Variants in FHIT observed in about 807,000 individuals in gnomAD.
FHIT encodes bis(5'-adenosyl)-triphosphatase.
In FHIT, 19 loss-of-function variants were observed where a neutral mutation model predicts 17.9. That is an observed-to-expected ratio of 1.06 (90% CI 0.74 to 1.56). FHIT has a LOEUF of 1.56. Among genes scored for constraint, FHIT ranks in the 40% most tolerant of loss-of-function variants. FHIT has a pLI of 0.00. For synonymous variants in FHIT, 81 were observed against 69.7 expected, an observed-to-expected ratio of 1.16 and a Z score of -0.81; for missense variants, 248 against 189.2, an observed-to-expected ratio of 1.31 and a Z score of -1.82.
chr3:60,313,386 G>A (rs1015953332), intron 5 of FHIT, among the ~76,000 whole-genome samples: 2 of 152,146 alleles, frequency 1.3e-5, no homozygotes, highest in African/African-American at 2.4e-5. Context: ...GGGATCTCTT[G>A]AAAACAGTCA....
intron 3 of FHIT, among the ~76,000 whole-genome samples, chr3:60,947,046 G>C (rs1305924881): frequency 6.6e-6 from 1 of 152,170 alleles, no homozygotes; most frequent in African/African-American, 2.4e-5. Flanking sequence ...AAAGGTGAAG[G>C]AAGCATTCAG....
At chr3:60,649,124 G>A (rs1356153791) in intron 4 of FHIT, among the ~76,000 whole-genome samples, 3 of 152,162 alleles carry the variant, frequency 2.0e-5, no homozygotes, top group Non-Finnish European at 2.9e-5. Flanking sequence ...GCGGCCGGGC[G>A]CGGTGGCTCA....
intron 4 of FHIT, among the ~76,000 whole-genome samples, chr3:60,713,608 C>T (rs1326685269): frequency 1.3e-5 from 2 of 152,136 alleles, no homozygotes; most frequent in East Asian, 1.9e-4. Context: ...CATCACTGAT[C>T]CCACAGAAAT....
At chr3:59,926,562 A>G (rs1288866156) in intron 7 of FHIT, among the ~76,000 whole-genome samples, 1 of 152,234 alleles carries the variant, frequency 6.6e-6, no homozygotes, top group East Asian at 1.9e-4. Context: ...GCAGGACTCA[A>G]TTTAAGGCTG....
intron 1 of FHIT, among the ~76,000 whole-genome samples, chr3:61,211,354 C>A (rs1195348713): frequency 1.3e-5 from 2 of 152,160 alleles, no homozygotes; most frequent in Admixed American, 6.5e-5. Context: ...AAGATTATAT[C>A]CCACACCTGG....
intron 3 of FHIT, among the ~76,000 whole-genome samples, chr3:60,981,074 G>A (rs1396908296): frequency 6.6e-6 from 1 of 152,140 alleles, no homozygotes; most frequent in Admixed American, 6.5e-5. Flanking sequence ...TTTCCCAGGG[G>A]GTCATAGCCA....
chr3:59,993,230 A>G (rs1463219803), intron 7 of FHIT, among the ~76,000 whole-genome samples: 1 of 152,058 alleles, frequency 6.6e-6, no homozygotes, highest in East Asian at 1.9e-4. Flanking sequence ...ATTTCTGGTT[A>G]TCTATGTTAG....
chr3:60,054,384 CAAAA>C (rs1027927144), intron 5 of FHIT, among the ~76,000 whole-genome samples: 7 of 152,066 alleles, frequency 4.6e-5, no homozygotes, highest in Admixed American at 4.6e-4. Flanking sequence ...ATTAGAAAAA[CAAAA>C]CAAAACAAAA....
intron 3 of FHIT, among the ~76,000 whole-genome samples, chr3:60,888,765 G>T (rs953636368): frequency 2.6e-5 from 4 of 152,146 alleles, no homozygotes; most frequent in African/African-American, 9.7e-5. Context: ...TGATAGTTCT[G>T]TAACATGTAT....
At chr3:60,638,202 A>G (rs2039637665) in intron 4 of FHIT, among the ~76,000 whole-genome samples, 1 of 152,224 alleles carries the variant, frequency 6.6e-6, no homozygotes, top group South Asian at 2.1e-4. Context: ...TCCTGTATGG[A>G]CAACCTTTCA....
At chr3:60,341,097 C>A (rs896003343) in intron 5 of FHIT, among the ~76,000 whole-genome samples, 9 of 152,060 alleles carry the variant, frequency 5.9e-5, no homozygotes, top group Admixed American at 1.3e-4. Flanking sequence ...ATCCACAGAG[C>A]CAAATGCGGG....
intron 3 of FHIT, among the ~76,000 whole-genome samples, chr3:60,924,502 C>G (rs1553769322): frequency 6.6e-6 from 1 of 152,168 alleles, no homozygotes. Flanking sequence ...AGAGTCCTGA[C>G]TGTTAGAAGG....
intron 5 of FHIT, among the ~76,000 whole-genome samples, chr3:60,305,200 G>T (rs913274761): frequency 1.3e-5 from 2 of 152,066 alleles, no homozygotes; most frequent in South Asian, 4.1e-4. Flanking sequence ...GTCAGGCAGA[G>T]ATGAAAGGAC....
At chr3:60,401,869 G>A (rs894781097) in intron 5 of FHIT, among the ~76,000 whole-genome samples, 4 of 152,120 alleles carry the variant, frequency 2.6e-5, no homozygotes, top group African/African-American at 9.7e-5. Context: ...GTCCTTACAA[G>A]CCCTACTTGC....
chr3:60,239,794 A>C (rs1705033071), intron 5 of FHIT, among the ~76,000 whole-genome samples: 1 of 152,170 alleles, frequency 6.6e-6, no homozygotes, highest in Non-Finnish European at 1.5e-5. Context: ...AGACTACCTT[A>C]CTAATAGACT....
intron 3 of FHIT, among the ~76,000 whole-genome samples, chr3:61,019,539 A>G (rs1435749213): frequency 6.6e-6 from 1 of 152,262 alleles, no homozygotes; most frequent in African/African-American, 2.4e-5. Flanking sequence ...AGAAACAGAG[A>G]AAATGCTGTT....
At position 60,754,506 on chromosome 3, in the gene FHIT, C is replaced by T. The variant is rs574363927; in HGVS notation, c.-18+67413G>A. On this transcript the variant is annotated intron_variant, in intron 4 of 9. Transcript: ENST00000492590. ...ATTAGCCGGGCGTGGTGGCACATGCCTGTAATCCCAGCTATTTGGGAGGCT... is the reference window on the plus strand; with the variant it reads ...ATTAGCCGGGCGTGGTGGCACATGCTTGTAATCCCAGCTATTTGGGAGGCT... Among the ~76,000 whole-genome samples, 20 of 152,236 alleles carry T rather than the reference C, an allele frequency of 1.3e-4. No homozygotes were observed. The South Asian group carries it at 3.9e-3, about 30-fold the overall frequency.
chr3:59,793,922 T>A (rs1341974959), intron 8 of FHIT, among the ~76,000 whole-genome samples: 1 of 152,254 alleles, frequency 6.6e-6, no homozygotes, highest in East Asian at 1.9e-4. Flanking sequence ...GCCCGGCCCA[T>A]GTATCCCCAA....
At chr3:60,928,972 T>C (rs1257696141) in intron 3 of FHIT, among the ~76,000 whole-genome samples, 3 of 152,262 alleles carry the variant, frequency 2.0e-5, no homozygotes, top group Non-Finnish European at 2.9e-5. Context: ...CTCAATAAAA[T>C]ACTGGCAAAC....
Sources: allele counts gnomAD v4.1 joint callset (sites outside exome capture counted in the v4.1 genomes callset), GRCh38; gene constraint gnomAD v4.1.1; transcripts MANE v1.5; gene names NCBI Gene and HGNC (gene_info 2026-07-23, HGNC 2026-07-21).